SMYD3: variants seen among roughly 807,000 people sequenced by gnomAD.
SMYD3 encodes SET and MYND domain containing 3, also known as histone-lysine N-methyltransferase SMYD3.
SMYD3 carries 36 observed loss-of-function variants against 57.7 expected under a neutral mutation model. The ratio of observed to expected loss-of-function variants is 0.62; its 90% confidence interval spans 0.48 to 0.82. SMYD3 has a LOEUF of 0.82. SMYD3 is among the 40% of genes least tolerant of loss of function. The pLI is 0.00. For synonymous variants in SMYD3, 211 were observed against 195.0 expected (o/e 1.08, Z -0.68); for missense variants, 515 against 538.8 (o/e 0.96, Z 0.44).
At chr1:246,040,526 C>A (rs1224329997) in intron 5 of SMYD3, among the ~76,000 whole-genome samples, 2 of 152,178 alleles carry the variant, frequency 1.3e-5, no homozygotes, top group Admixed American at 1.3e-4. Context: ...CAAATTAACC[C>A]AAAATGCAGC....
intron 1 of SMYD3, among the ~76,000 whole-genome samples, chr1:246,401,223 T>C (rs2066762423): frequency 6.6e-6 from 1 of 152,180 alleles, no homozygotes; most frequent in African/African-American, 2.4e-5. Flanking sequence ...GGCCCAGGCA[T>C]GGTGGCTCAC....
chr1:246,309,788 A>G (rs1020798925), intron 5 of SMYD3, among the ~76,000 whole-genome samples: 1 of 152,204 alleles, frequency 6.6e-6, no homozygotes, highest in Non-Finnish European at 1.5e-5. Flanking sequence ...GGCAGATCCC[A>G]CCCAATTCTA....
chr1:245,930,389 C>T (rs1304132434), intron 5 of SMYD3: 4 of 339,140 alleles, frequency 1.2e-5, no homozygotes, highest in South Asian at 7.2e-5. Flanking sequence ...CTTACTCCTA[C>T]AGAAAGCGAA....
intron 5 of SMYD3, among the ~76,000 whole-genome samples, chr1:246,269,927 A>AT (rs2148543354): frequency 6.6e-6 from 1 of 152,236 alleles, no homozygotes; most frequent in African/African-American, 2.4e-5. Context: ...CCCAAGAACC[A>AT]TGTTGGTTCC....
intron 1 of SMYD3, among the ~76,000 whole-genome samples, chr1:246,380,548 T>C (rs2066370407): frequency 1.3e-5 from 2 of 152,262 alleles, no homozygotes; most frequent in African/African-American, 4.8e-5. Context: ...TGCCATATCC[T>C]TCCTATTGTT....
intron 5 of SMYD3, among the ~76,000 whole-genome samples, chr1:246,247,571 T>C (rs2063729907): frequency 6.6e-6 from 1 of 151,360 alleles, no homozygotes; most frequent in Non-Finnish European, 1.5e-5. Context: ...CGTGGGAAAC[T>C]GTCACAAAGC....
chr1:245,937,852 G>A (rs561843449), intron 5 of SMYD3, among the ~76,000 whole-genome samples: 143 of 152,280 alleles, frequency 9.4e-4, no homozygotes, highest in African/African-American at 3.3e-3. Context: ...GTACCAGGAC[G>A]CCTCACTGTA....
chr1:245,763,578 T>G, intron 11 of SMYD3, among the ~76,000 whole-genome samples: 2 of 150,730 alleles, frequency 1.3e-5, no homozygotes, highest in South Asian at 2.1e-4. Context: ...ACTGGGTGGG[T>G]GGAAAGGAAG....
In SMYD3 at chr1:245,998,863, A is replaced by C. The variant is rs148239715; in HGVS notation, c.532-68926T>G. Among the ~76,000 whole-genome samples the C allele has an allele frequency of 1.1e-4, 17 of 152,340 alleles. No individual in the cohort carries two copies. The East Asian group carries it at 3.1e-3, about 28-fold the overall frequency. Reference sequence around the variant, plus strand: ...AATGCTACGGCACAGACAAACCTTGAAGAGATTATGTTAAGTGGAAGAAGC... The same window carrying C: ...AATGCTACGGCACAGACAAACCTTGCAGAGATTATGTTAAGTGGAAGAAGC... On this transcript the variant is annotated intron_variant, in intron 5 of 11. Coordinates refer to ENST00000490107, the MANE Select transcript of SMYD3 (RefSeq NM_001167740.2).
chr1:246,287,961 G>T (rs992712272), intron 5 of SMYD3, among the ~76,000 whole-genome samples: 10 of 151,718 alleles, frequency 6.6e-5, no homozygotes, highest in African/African-American at 2.2e-4. Context: ...GGAAGGCCTT[G>T]GAACGTTACA....
intron 5 of SMYD3, among the ~76,000 whole-genome samples, chr1:246,086,525 C>T (rs1295368407): frequency 3.3e-5 from 5 of 149,820 alleles, no homozygotes; most frequent in African/African-American, 4.9e-5. Context: ...CTACACTTCA[C>T]TTATTAGATT....
intron 5 of SMYD3, among the ~76,000 whole-genome samples, chr1:246,247,602 C>T (rs983580548): frequency 4.0e-5 from 6 of 151,274 alleles, no homozygotes; most frequent in Non-Finnish European, 7.4e-5. Flanking sequence ...CTTTTTTCCG[C>T]ACTCTGAACA....
chr1:245,911,831 A>G (rs2055014517), intron 8 of SMYD3, among the ~76,000 whole-genome samples: 1 of 152,124 alleles, frequency 6.6e-6, no homozygotes, highest in Admixed American at 6.6e-5. Context: ...ACAATAGGGC[A>G]ACTATAGTTA....
chr1:246,309,108 A>G (rs1393763708), intron 5 of SMYD3, among the ~76,000 whole-genome samples: 1 of 152,190 alleles, frequency 6.6e-6, no homozygotes, highest in East Asian at 1.9e-4. Flanking sequence ...CTCCAAAACC[A>G]ATATGTATTT....
chr1:246,133,675 C>T (rs893871720), intron 5 of SMYD3, among the ~76,000 whole-genome samples: 1 of 151,976 alleles, frequency 6.6e-6, no homozygotes, highest in Non-Finnish European at 1.5e-5. Flanking sequence ...TCAGGAGAAA[C>T]ATCTTCTTAA....
At chr1:246,173,973 T>A (rs2062390001) in intron 5 of SMYD3, among the ~76,000 whole-genome samples, 1 of 151,940 alleles carries the variant, frequency 6.6e-6, no homozygotes, top group South Asian at 2.1e-4. Flanking sequence ...CACCTGACTA[T>A]TTTTTATTTT....
chr1:246,263,386 C>A (rs1310694755), intron 5 of SMYD3, among the ~76,000 whole-genome samples: 1 of 152,088 alleles, frequency 6.6e-6, no homozygotes, highest in African/African-American at 2.4e-5. Flanking sequence ...GGCTCATTAA[C>A]AGTTAGCTGT....
At chr1:246,347,687 A>G (rs1378133211) in intron 2 of SMYD3, among the ~76,000 whole-genome samples, 1 of 152,148 alleles carries the variant, frequency 6.6e-6, no homozygotes, top group Non-Finnish European at 1.5e-5. Flanking sequence ...CCAGTATTTG[A>G]TGCCCTCTTG....
intron 8 of SMYD3, among the ~76,000 whole-genome samples, chr1:245,881,271 G>A (rs906380511): frequency 6.6e-6 from 1 of 152,154 alleles, no homozygotes; most frequent in African/African-American, 2.4e-5. Context: ...CAAGCAGAAA[G>A]GAATCTGTCA....
Sources: allele counts gnomAD v4.1 joint callset (sites outside exome capture counted in the v4.1 genomes callset), GRCh38; gene constraint gnomAD v4.1.1; transcripts MANE v1.5; gene names NCBI Gene and HGNC (gene_info 2026-07-23, HGNC 2026-07-21).